Variants in SHTN1 observed in about 807,000 individuals in gnomAD.
SHTN1 encodes shootin-1.
SHTN1 carries 42 observed loss-of-function variants against 83.1 expected under a neutral mutation model. The observed-to-expected ratio is 0.51, with a 90% confidence interval of 0.39 to 0.65. SHTN1 has a LOEUF of 0.65. Ranked by LOEUF, SHTN1 falls within the 30% of genes least tolerant of loss-of-function variation. The pLI is 0.00. For missense variants in SHTN1, 622 were observed against 737.8 expected (o/e 0.84, Z 1.82); for synonymous variants, 224 against 247.7 (o/e 0.90, Z 0.90).
intron 1 of SHTN1, among the ~76,000 whole-genome samples, chr10:117,060,714 T>G (rs1339528162): frequency 6.6e-6 from 1 of 152,198 alleles, no homozygotes; most frequent in Non-Finnish European, 1.5e-5. Flanking sequence ...GGAATCAAAT[T>G]TCAACCAGAT....
At chr10:117,106,533 G>A (rs1001551224) in intron 1 of SHTN1, among the ~76,000 whole-genome samples, 1 of 152,182 alleles carries the variant, frequency 6.6e-6, no homozygotes, top group South Asian at 2.1e-4. Flanking sequence ...AGCAGAAACA[G>A]CCATCCCTAG....
rs759706275 is a variant in SHTN1 at position 116,953,623 on chromosome 10, G to GTTTTTTTTTT, written c.436+409_436+418dup. ...GACCCAGGCATCAGTTTTGTGTTTT[G>GTTTTTTTTTT]TTTTTTTTTTTTTTTTTTTTTTGAG... On this transcript the variant is annotated intron_variant, in intron 5 of 16. Coordinates refer to ENST00000355371, the MANE Select transcript of SHTN1 (RefSeq NM_001127211.3). Among the ~76,000 whole-genome samples the GTTTTTTTTTT allele has an allele frequency of 7.1e-4, 66 of 92,718 alleles. 3 individuals carry two copies. Among genetic ancestry groups the GTTTTTTTTTT allele is most frequent in the East Asian group, 2.2e-3 (6 of 2,768 alleles). 60.8% of individuals were successfully genotyped at this position (92,718 alleles called of 152,430 possible).
chr10:117,047,221 T>C (rs1564941088), intron 2 of SHTN1, among the ~76,000 whole-genome samples: 1 of 152,120 alleles, frequency 6.6e-6, no homozygotes, highest in Non-Finnish European at 1.5e-5. Context: ...CCCAGCACCA[T>C]GCCTGGCTAA....
At chr10:117,093,112 C>G (rs1853457346) in intron 1 of SHTN1, among the ~76,000 whole-genome samples, 1 of 152,210 alleles carries the variant, frequency 6.6e-6, no homozygotes, top group Non-Finnish European at 1.5e-5. Flanking sequence ...TTACTATCCT[C>G]AGTTCACTAT....
At chr10:117,096,010 T>G (rs1472030411) in intron 1 of SHTN1, among the ~76,000 whole-genome samples, 2 of 152,232 alleles carry the variant, frequency 1.3e-5, no homozygotes, top group Non-Finnish European at 2.9e-5. Flanking sequence ...CCATTGCATC[T>G]TTAACAACAT....
intron 1 of SHTN1, among the ~76,000 whole-genome samples, chr10:117,076,875 G>T (rs571855774): frequency 6.6e-6 from 1 of 152,240 alleles, no homozygotes; most frequent in African/African-American, 2.4e-5. Context: ...AGAAAAGGGT[G>T]GCAAATGGAA....
chr10:116,976,580 A>G (rs1343302294), intron 2 of SHTN1, among the ~76,000 whole-genome samples: 1 of 152,200 alleles, frequency 6.6e-6, no homozygotes, highest in Non-Finnish European at 1.5e-5. Flanking sequence ...GTATTTGCTG[A>G]TGTCAACTGG....
chr10:117,040,193 T>C (rs956010904), intron 2 of SHTN1, among the ~76,000 whole-genome samples: 2 of 152,142 alleles, frequency 1.3e-5, no homozygotes, highest in Non-Finnish European at 2.9e-5. Context: ...ATTTGAAAAT[T>C]TGTATAGAAA....
intron 1 of SHTN1, among the ~76,000 whole-genome samples, chr10:117,116,999 G>A (rs1853858269): frequency 6.6e-6 from 1 of 152,100 alleles, no homozygotes; most frequent in Admixed American, 6.5e-5. Context: ...TGTGGAACAA[G>A]ACAAGGATGC....
intron 6 of SHTN1, 133 bp from the exon 7 acceptor site, chr10:116,949,130 T>C: frequency 1.0e-6 from 1 of 973,814 alleles, no homozygotes; most frequent in Non-Finnish European, 1.4e-6. Context: ...GGTTTCAATG[T>C]GTTAGGACTT....
intron 13 of SHTN1, among the ~76,000 whole-genome samples, chr10:116,912,207 C>T (rs1848226236): frequency 6.6e-6 from 1 of 152,186 alleles, no homozygotes; most frequent in Non-Finnish European, 1.5e-5. Flanking sequence ...TGTCCTCTAC[C>T]TGCATTGCTG....
chr10:117,091,703 G>T (rs1020935190), intron 1 of SHTN1, among the ~76,000 whole-genome samples: 2 of 152,192 alleles, frequency 1.3e-5, no homozygotes, highest in Admixed American at 6.5e-5. Flanking sequence ...GTATGCATTT[G>T]CTCATGCTGG....
chr10:116,925,623 T>C (rs1408896374), intron 11 of SHTN1, among the ~76,000 whole-genome samples: 1 of 152,220 alleles, frequency 6.6e-6, no homozygotes, highest in Non-Finnish European at 1.5e-5. Flanking sequence ...TCTATAGATA[T>C]ACACATTCTA....
intron 2 of SHTN1, among the ~76,000 whole-genome samples, chr10:117,019,816 G>C (rs1229268139): frequency 7.0e-6 from 1 of 143,844 alleles, no homozygotes; most frequent in Non-Finnish European, 1.5e-5. Flanking sequence ...GACAGAGTGA[G>C]CCCTTGTCTC....
intron 2 of SHTN1, among the ~76,000 whole-genome samples, chr10:117,015,201 T>C (rs74496431): frequency 0.025 from 3,788 of 152,324 alleles, 147 homozygotes; most frequent in African/African-American, 0.086. Flanking sequence ...AACTTCTGTG[T>C]CACTGTTGGA....
chr10:116,893,427 A>C (rs186596004), intron 16 of SHTN1, among the ~76,000 whole-genome samples: 78 of 152,272 alleles, frequency 5.1e-4, no homozygotes, highest in Non-Finnish European at 1.0e-3. Context: ...TTGAGAGCAG[A>C]GCAAATCCTT....
At chr10:117,125,513 A>G (rs1470217882) in intron 1 of SHTN1, among the ~76,000 whole-genome samples, 1 of 152,054 alleles carries the variant, frequency 6.6e-6, no homozygotes, top group African/African-American at 2.4e-5. Flanking sequence ...CTTTCCTCCC[A>G]TCGTTACCCT....
At chr10:116,994,481 T>C (rs1052872409) in intron 1 of SHTN1, among the ~76,000 whole-genome samples, 8 of 152,018 alleles carry the variant, frequency 5.3e-5, no homozygotes, top group Non-Finnish European at 1.2e-4. Context: ...AAGATTTTTG[T>C]TCACCTTTTT....
intron 1 of SHTN1, among the ~76,000 whole-genome samples, chr10:117,057,900 C>T (rs1852847987): frequency 6.6e-6 from 1 of 152,168 alleles, no homozygotes; most frequent in Admixed American, 6.5e-5. Flanking sequence ...GTATGACCCA[C>T]TCAAGGGAGC....
Sources: gnomAD v4.1 joint callset for allele counts (sites outside exome capture counted in the v4.1 genomes callset) on GRCh38, gnomAD v4.1.1 for gene constraint, MANE v1.5 for transcripts, NCBI Gene and HGNC (gene_info 2026-07-23, HGNC 2026-07-21) for gene names.